Variants in PNLIPRP3 observed in about 807,000 individuals in gnomAD.
The protein encoded by PNLIPRP3 is pancreatic lipase-related protein 3.
In PNLIPRP3, 58 loss-of-function variants were observed where a neutral mutation model predicts 52.8. That is an observed-to-expected ratio of 1.10 (90% CI 0.89 to 1.37). The LOEUF (loss-of-function observed/expected upper bound fraction) is 1.37. Ranked by LOEUF, PNLIPRP3 falls within the 40% of genes most tolerant of loss-of-function variation. The pLI is 0.00. For synonymous variants in PNLIPRP3, 192 were observed against 185.0 expected (o/e 1.04, Z -0.31); for missense variants, 593 against 561.6 (o/e 1.06, Z -0.57).
intron 5 of PNLIPRP3, among the ~76,000 whole-genome samples, chr10:116,460,400 G>T (rs1288585827): frequency 6.6e-6 from 1 of 152,174 alleles, no homozygotes; most frequent in Admixed American, 6.5e-5. Context: ...GACGCAATGG[G>T]ATGAGAGTCT....
intron 4 of PNLIPRP3, 74 bp downstream of exon 4, chr10:116,444,587 T>A: frequency 7.0e-7 from 1 of 1,426,290 alleles, no homozygotes; most frequent in Non-Finnish European, 9.7e-7. Context: ...TGGGACAATT[T>A]AATGTCTTTT....
At chr10:116,433,472 T>G (rs1845736035) in intron 1 of PNLIPRP3, among the ~76,000 whole-genome samples, 1 of 152,164 alleles carries the variant, frequency 6.6e-6, no homozygotes, top group African/African-American at 2.4e-5. Context: ...GATAATTAAA[T>G]AAATGCAAAT....
intron 7 of PNLIPRP3, among the ~76,000 whole-genome samples, chr10:116,464,951 C>A (rs1259323477): frequency 1.3e-5 from 2 of 152,182 alleles, no homozygotes; most frequent in Non-Finnish European, 2.9e-5. Context: ...TTCAGCAGCT[C>A]CTTTGGCACC....
intron 4 of PNLIPRP3, among the ~76,000 whole-genome samples, chr10:116,446,374 A>C (rs1245701522): frequency 8.3e-6 from 1 of 120,228 alleles, no homozygotes; most frequent in Non-Finnish European, 1.9e-5. Context: ...AAAAAAAAAT[A>C]GTGGCAACAG....
chr10:116,428,188 T>G, intron 1 of PNLIPRP3, 127 bp downstream of exon 1: 1 of 666,642 alleles, frequency 1.5e-6, no homozygotes, highest in Non-Finnish European at 2.5e-6. Context: ...AGTTTATTGT[T>G]TTTATGAATA....
Position 116,456,708 on chromosome 10 carries a change from G to A in PNLIPRP3, c.565+878G>A, listed in dbSNP as rs528330656. On this transcript the variant is annotated intron_variant, in intron 5 of 11. Transcript: ENST00000369230. ...ACATTCTGTTTTCCAAACCAATTGT[G>A]TGAGATGGATGAAGGTCAAAGCAAC... Among the ~76,000 whole-genome samples, 2 of 152,290 alleles carry A rather than the reference G, an allele frequency of 1.3e-5. 1 individual carries two copies. Among genetic ancestry groups the A allele is most frequent in the Admixed American group, 1.3e-4 (2 of 15,298 alleles).
At chr10:116,475,047 T>C (rs767879869) in intron 10 of PNLIPRP3, among the ~76,000 whole-genome samples, 2 of 152,130 alleles carry the variant, frequency 1.3e-5, no homozygotes, top group Non-Finnish European at 2.9e-5. Flanking sequence ...TGCCCATCAA[T>C]GACAGACTGG....
chr10:116,477,928 TC>T lies in PNLIPRP3; in HGVS notation c.*776del, dbSNP rs1432872501. 2.0e-5 allele frequency: 3 copies of T among 152,198 alleles called. No individual in the cohort carries two copies. The highest frequency in any genetic ancestry group is 1.3e-4 in the Admixed American group (2 of 15,284). The allele number at this position is 152,198 out of a possible 1,614,324, so 9.4% of individuals were successfully genotyped here. On this transcript the variant is annotated 3_prime_UTR_variant, in exon 12 of 12. Transcript: ENST00000369230. ...GTAAAGCACTTGGGTAACCCTTTGT[TC>T]TTGCAATAACAATATTATAATATTT... is the stretch of plus-strand genomic sequence containing the variant.
chr10:116,471,750 T>C lies in PNLIPRP3; in HGVS notation c.1061-18T>C. Reference sequence around the variant, plus strand: ...TTAACCCTTTCTCTCCCTTTCCTTCTTGTTTCCTTATATCTAGGTTGGAGG... The same window carrying C: ...TTAACCCTTTCTCTCCCTTTCCTTCCTGTTTCCTTATATCTAGGTTGGAGG... On this transcript the variant is annotated intron_variant, in intron 9 of 11. Coordinates refer to ENST00000369230, the MANE Select transcript of PNLIPRP3 (RefSeq NM_001011709.3). The C allele has an allele frequency of 6.5e-7, 1 of 1,549,082 alleles. No homozygotes were observed.
rs190070386 is a variant in PNLIPRP3, at chr10:116,444,523, G to A, written c.456+10G>A. Reference sequence around the variant, plus strand: ...TATTGATGTTCTCATGGTAAGAAGAGTTGATTTTTTTTTAATTATATTGAA... The same window carrying A: ...TATTGATGTTCTCATGGTAAGAAGAATTGATTTTTTTTTAATTATATTGAA... On this transcript the variant is annotated intron_variant, in intron 4 of 11. Coordinates refer to ENST00000369230, the MANE Select transcript of PNLIPRP3 (RefSeq NM_001011709.3). The A allele has an allele frequency of 1.4e-4, 217 of 1,604,120 alleles. No individual in the cohort carries two copies. The African/African-American group carries it at 2.4e-3, about 17-fold the overall frequency.
chr10:116,477,749 T>C lies in PNLIPRP3; in HGVS notation c.*596T>C, dbSNP rs1846499154. On this transcript the variant is annotated 3_prime_UTR_variant, in exon 12 of 12. Transcript: ENST00000369230. ...GAGAGATTTTGGAGCTTATCTGTTA[T>C]GTGTTCATCAGTTAGCAATGGGACC... 6.6e-6 allele frequency: 1 copy of C among 152,216 alleles called. No homozygotes were observed. The allele number at this position is 152,216 out of a possible 1,614,324, so 9.4% of individuals were successfully genotyped here.
chr10:116,430,602 G>T (rs1845697629), intron 1 of PNLIPRP3, among the ~76,000 whole-genome samples: 1 of 152,044 alleles, frequency 6.6e-6, no homozygotes, highest in Non-Finnish European at 1.5e-5. Context: ...TTGACTGTAG[G>T]ATTTACACTG....
chr10:116,444,340 G>A (rs1804858103), intron 3 of PNLIPRP3, 42 bp from the exon 4 acceptor site: 2 of 1,509,154 alleles, frequency 1.3e-6, no homozygotes, highest in South Asian at 2.5e-5. Flanking sequence ...CGGTTTCCTT[G>A]AACACTTATT....
At chr10:116,467,264 C>A (rs1191541280) in intron 8 of PNLIPRP3, among the ~76,000 whole-genome samples, 1 of 152,160 alleles carries the variant, frequency 6.6e-6, no homozygotes, top group Admixed American at 6.5e-5. Context: ...CTGTGGCATG[C>A]ACCTGTAGTC....
rs12263172 is a variant in PNLIPRP3, at chr10:116,438,072, C to A, written c.204+1207C>A. Reference sequence around the variant, plus strand: ...ACGTAAATGATTGGGAAAATGATAACCCTCTTATCAGAAAAATTGAGGATA... The same window carrying A: ...ACGTAAATGATTGGGAAAATGATAAACCTCTTATCAGAAAAATTGAGGATA... On this transcript the variant is annotated intron_variant, in intron 2 of 11. Coordinates refer to ENST00000369230, the MANE Select transcript of PNLIPRP3 (RefSeq NM_001011709.3). Among the ~76,000 whole-genome samples, 556 of 152,210 alleles carry A rather than the reference C, an allele frequency of 3.7e-3. 3 individuals are homozygous for A. Among genetic ancestry groups the A allele is most frequent in the African/African-American group, 0.013 (533 of 41,550 alleles).
chr10:116,461,378 A>G, intron 7 of PNLIPRP3, 88 bp downstream of exon 7: 1 of 1,426,202 alleles, frequency 7.0e-7, no homozygotes, highest in Non-Finnish European at 9.6e-7. Context: ...TGTGTATAAT[A>G]TACATATAAA....
intron 1 of PNLIPRP3, among the ~76,000 whole-genome samples, chr10:116,431,853 C>T (rs1467871751): frequency 6.6e-6 from 1 of 152,104 alleles, no homozygotes; most frequent in Non-Finnish European, 1.5e-5. Context: ...CTTGCAGAGT[C>T]TTGTGCTTTC....
intron 4 of PNLIPRP3, among the ~76,000 whole-genome samples, chr10:116,448,765 C>T (rs944672203): frequency 6.6e-6 from 1 of 152,000 alleles, no homozygotes; most frequent in African/African-American, 2.4e-5. Flanking sequence ...CCTGTAATCC[C>T]AGCACTTTGT....
chr10:116,461,437 G>C (rs7080915), intron 7 of PNLIPRP3, 147 bp downstream of exon 7: 73,724 of 976,536 alleles, frequency 0.075, 5,253 homozygotes, highest in African/African-American at 0.32. Flanking sequence ...TCTCCCACCT[G>C]TTCTCAGATC....
Sources: allele counts gnomAD v4.1 joint callset (sites outside exome capture counted in the v4.1 genomes callset), GRCh38; gene constraint gnomAD v4.1.1; transcripts MANE v1.5; gene names NCBI Gene and HGNC (gene_info 2026-07-23, HGNC 2026-07-21).